ASS1: variants seen among roughly 807,000 people sequenced by gnomAD.
ASS1 encodes the protein argininosuccinate synthase 1.
Under a neutral mutation model 60.5 loss-of-function variants are expected in ASS1, and 58 were observed. The observed-to-expected ratio is 0.96, with a 90% confidence interval of 0.78 to 1.19. The LOEUF (loss-of-function observed/expected upper bound fraction) is 1.19. Ranked by LOEUF, ASS1 falls within the 50% of genes most tolerant of loss-of-function variation. The pLI is 0.00. For missense variants in ASS1, 454 were observed against 547.3 expected (o/e 0.83, Z 1.70); for synonymous variants, 200 against 206.9 (o/e 0.97, Z 0.29).
chr9:130,490,252 G>A (rs67704313), intron 12 of ASS1, among the ~76,000 whole-genome samples: 15,330 of 152,258 alleles, frequency 0.1, 872 homozygotes, highest in African/African-American at 0.11. Flanking sequence ...AATCCAGCCC[G>A]TCACCTGTTT....
At chr9:130,497,012 C>T (rs944709442) in intron 13 of ASS1, among the ~76,000 whole-genome samples, 6 of 152,218 alleles carry the variant, frequency 3.9e-5, no homozygotes, top group Admixed American at 6.5e-5. Flanking sequence ...AGTTTCTCCC[C>T]GCTTCAATCT....
chr9:130,482,689 C>G (rs959220933), intron 11 of ASS1, among the ~76,000 whole-genome samples: 1 of 152,170 alleles, frequency 6.6e-6, no homozygotes, highest in African/African-American at 2.4e-5. Flanking sequence ...CAGCATTCCA[C>G]GGAGGCTGGA....
At chr9:130,500,358 G>T (rs1400871410) in intron 14 of ASS1, among the ~76,000 whole-genome samples, 1 of 152,150 alleles carries the variant, frequency 6.6e-6, no homozygotes, top group Non-Finnish European at 1.5e-5. Context: ...ACTTTCCAAG[G>T]GTCACACAGC....
At position 130,476,677 on chromosome 9, in the gene ASS1, GC is replaced by G. The variant is rs762031093; in HGVS notation, c.598-191del. 23 of 635,414 alleles carry G rather than the reference GC, an allele frequency of 3.6e-5. No homozygotes were observed. Among genetic ancestry groups the G allele is most frequent in the East Asian group, 1.4e-4 (5 of 36,806 alleles). The allele number at this position is 635,414 out of a possible 1,614,324, so 39.4% of individuals were successfully genotyped here. Reference sequence around the variant, plus strand: ...GGGGAAAAATTGTCTGATTTCTCCAGCCCTTTGTTTCCCAGGCCTCTGGCAA... The same window carrying G: ...GGGGAAAAATTGTCTGATTTCTCCAGCCTTTGTTTCCCAGGCCTCTGGCAA... On this transcript the variant is annotated intron_variant, in intron 8 of 14. Coordinates refer to ENST00000352480, the MANE Select transcript of ASS1 (RefSeq NM_054012.4). This position sits in a 1 kb window ranked among gnomAD's most constrained non-coding sequence, Gnocchi z 4.9.
chr9:130,456,268 C>T (rs1304228268), intron 3 of ASS1, among the ~76,000 whole-genome samples: 1 of 152,062 alleles, frequency 6.6e-6, no homozygotes, highest in Non-Finnish European at 1.5e-5. Context: ...GAGTTCAAGA[C>T]CAGCCTGGCC....
rs138744326 is a variant in ASS1, at chr9:130,466,706, C to T, written c.421-19C>T. On this transcript the variant is annotated intron_variant, in intron 5 of 14. Coordinates refer to ENST00000352480, the MANE Select transcript of ASS1 (RefSeq NM_054012.4). ...CACAGCTCGGCCCTCCCGGCTCTGA[C>T]CCCTTGTCCTATGTCCAGGTCATTG... 1.3e-3 allele frequency: 2,061 copies of T among 1,612,950 alleles called. 30 individuals carry two copies. In the African/African-American group the frequency reaches 0.024, roughly 19 times the overall value.
At chr9:130,447,563 C>T (rs1390059580) in intron 1 of ASS1, among the ~76,000 whole-genome samples, 1 of 152,234 alleles carries the variant, frequency 6.6e-6, no homozygotes, top group African/African-American at 2.4e-5. Context: ...CGCGAGGCCA[C>T]CTTCCCTCCT....
chr9:130,465,029 A>G (rs867485115), intron 5 of ASS1, among the ~76,000 whole-genome samples: 1 of 143,044 alleles, frequency 7.0e-6, no homozygotes, highest in South Asian at 2.2e-4. Context: ...ATAAATACAT[A>G]TGTTTTATAT....
chr9:130,493,829 GGGTCTGAGCGCTACCCCTCCCT>G (rs964702302), intron 12 of ASS1, among the ~76,000 whole-genome samples: 3 of 152,190 alleles, frequency 2.0e-5, no homozygotes, highest in Non-Finnish European at 1.5e-5. Context: ...GGGCAGACTG[GGGTCTGAGCGCTACCCCTCCCT>G]GGCCTTTAGG....
At chr9:130,490,041 G>A (rs1846412901) in intron 12 of ASS1, among the ~76,000 whole-genome samples, 1 of 152,350 alleles carries the variant, frequency 6.6e-6, no homozygotes, top group African/African-American at 2.4e-5. Context: ...AAACCACTGG[G>A]GTGGCCACAG....
At chr9:130,487,469 C>T (rs528840838) in intron 11 of ASS1, among the ~76,000 whole-genome samples, 4 of 151,628 alleles carry the variant, frequency 2.6e-5, no homozygotes, top group South Asian at 2.1e-4. Context: ...TTTTAAAATG[C>T]GTAAGCGTGC....
chr9:130,461,228 G>C (rs1188480260), intron 4 of ASS1, among the ~76,000 whole-genome samples: 1 of 151,938 alleles, frequency 6.6e-6, no homozygotes, highest in African/African-American at 2.4e-5. Context: ...GTATGGGTGG[G>C]TCGGCTCTGG....
chr9:130,463,865 A>G (rs1041865715), intron 4 of ASS1, among the ~76,000 whole-genome samples: 2 of 151,232 alleles, frequency 1.3e-5, no homozygotes, highest in East Asian at 2.0e-4. Context: ...CCAGGGGGTC[A>G]GATGTGTCCT....
At chr9:130,483,327 GT>G (rs1846215112) in intron 11 of ASS1, among the ~76,000 whole-genome samples, 1 of 132,902 alleles carries the variant, frequency 7.5e-6, no homozygotes, top group African/African-American at 2.8e-5. Flanking sequence ...ATTGAAATTC[GT>G]TAAGGGCTGA....
At chr9:130,445,780 G>T (rs1845180795) in intron 1 of ASS1, among the ~76,000 whole-genome samples, 1 of 152,200 alleles carries the variant, frequency 6.6e-6, no homozygotes, top group Non-Finnish European at 1.5e-5. Flanking sequence ...CCTGAGGAGG[G>T]CTGGCCTGGC....
upstream of ASS1, among the ~76,000 whole-genome samples, chr9:130,444,736 C>G (rs1845153913): frequency 6.6e-6 from 1 of 151,834 alleles, no homozygotes; most frequent in South Asian, 2.1e-4. The surrounding 1 kb of genome is among the most constrained non-coding windows in gnomAD (Gnocchi z 4.7). Context: ...GGTGAGCCGG[C>G]GCCGGGCCCA....
rs1039187131 is a variant in ASS1 at position 130,490,303 on chromosome 9, T to TTTTATTTA, written c.970+859_970+866dup. ...GCTAAGAATAGTTTTTACATTTTTATTTTATTTATTTATTTATTTATTTAT... is the reference window on the plus strand; with the variant it reads ...GCTAAGAATAGTTTTTACATTTTTATTTTATTTATTTATTTATTTATTTATTTATTTAT... On this transcript the variant is annotated intron_variant, in intron 12 of 14. Transcript: ENST00000352480. Among the ~76,000 whole-genome samples the TTTTATTTA allele has an allele frequency of 2.6e-3, 396 of 152,210 alleles. 1 individual carries two copies. The highest frequency in any genetic ancestry group is 4.5e-3 in the Non-Finnish European group (308 of 67,982).
chr9:130,465,541 C>T (rs564510406), intron 5 of ASS1, among the ~76,000 whole-genome samples: 4 of 152,352 alleles, frequency 2.6e-5, no homozygotes, highest in Non-Finnish European at 5.9e-5. Flanking sequence ...TTCAGGTGCT[C>T]TGAATGGCCA....
chr9:130,485,051 C>A (rs956809317), intron 11 of ASS1, among the ~76,000 whole-genome samples: 40 of 152,106 alleles, frequency 2.6e-4, no homozygotes, highest in Non-Finnish European at 1.6e-4. Flanking sequence ...CTGGCCTCTG[C>A]CCACCAGACA....
Sources: gnomAD v4.1 joint callset for allele counts (sites outside exome capture counted in the v4.1 genomes callset) on GRCh38, gnomAD v4.1.1 for gene constraint, Gnocchi (gnomAD v3.1) non-coding constraint, MANE v1.5 for transcripts, NCBI Gene and HGNC (gene_info 2026-07-23, HGNC 2026-07-21) for gene names.